Variants in CCSAP observed in about 807,000 individuals in gnomAD.
The protein encoded by CCSAP is centriole, cilia and spindle associated protein, also known as centriole, cilia and spindle-associated protein.
Under a neutral mutation model 25.9 loss-of-function variants are expected in CCSAP, and 17 were observed. That is an observed-to-expected ratio of 0.66 (90% confidence interval 0.45 to 0.99). CCSAP has a LOEUF of 0.99. Ranked by LOEUF, CCSAP falls within the 50% of genes least tolerant of loss-of-function variation. The probability of loss-of-function intolerance (pLI) is 0.00; values close to 1 mark genes in which losing one functional copy is unlikely to be tolerated. For missense variants in CCSAP, 339 were observed against 367.8 expected (o/e 0.92, Z 0.64); for synonymous variants, 169 against 157.1 (o/e 1.08, Z -0.57).
intron 2 of CCSAP, among the ~76,000 whole-genome samples, chr1:229,329,762 G>T (rs983690653): frequency 6.6e-6 from 1 of 152,170 alleles, no homozygotes; most frequent in Non-Finnish European, 1.5e-5. Flanking sequence ...AGGCCAACGA[G>T]GGTGGATCAC....
intron 2 of CCSAP, among the ~76,000 whole-genome samples, chr1:229,338,540 C>T (rs1399189858): frequency 1.7e-4 from 15 of 89,144 alleles, no homozygotes; most frequent in African/African-American, 4.6e-4. Flanking sequence ...CAAACCCCAA[C>T]ACACACACAC....
intron 2 of CCSAP, among the ~76,000 whole-genome samples, chr1:229,328,409 TC>T (rs368472859): frequency 9.8e-5 from 15 of 152,304 alleles, no homozygotes; most frequent in African/African-American, 3.1e-4. Flanking sequence ...CAAGTGATCC[TC>T]CCACCTCAGC....
Position 229,326,764 on chromosome 1 carries a change from C to T in CCSAP, c.610G>A (p.Val204Ile), listed in dbSNP as rs1558248869. 5 of 1,614,232 alleles carry T rather than the reference C, an allele frequency of 3.1e-6. No homozygotes were observed. Among genetic ancestry groups the T allele is most frequent in the Non-Finnish European group, 3.4e-6 (4 of 1,180,054 alleles). The change falls in exon 3 of 4, where the codon GTC (valine) becomes ATC (isoleucine). Residue 204 changes from valine to isoleucine, a missense_variant. Coordinates refer to ENST00000284617, the MANE Select transcript of CCSAP (RefSeq NM_145257.5). ...TCGTGCACAGGAGCGGACGCACAGA[C>T]GTTGTGAGTCTTCTGGCTTCCTGTA... ...TDTGSQKTHNVCASAPVHEIH... is the reference protein window; with the variant it reads ...TDTGSQKTHNICASAPVHEIH...
In CCSAP at chr1:229,342,397, G is replaced by A; in HGVS notation, c.69C>T (p.Tyr23=). 3 of 1,484,224 alleles carry A rather than the reference G, an allele frequency of 2.0e-6. No individual in the cohort carries two copies. The highest frequency in any genetic ancestry group is 1.3e-5 in the South Asian group (1 of 75,236). The allele number at this position is 1,484,224 out of a possible 1,614,324, so 91.9% of individuals were successfully genotyped here. The part of the protein sequence containing the change: ...KRYQEPRWEE[Y]GPCYRELLHY... ...GCAGCAGCTCGCGGTAGCACGGCCC[G>A]TACTCCTCCCAGCGCGGCTCCTGGT... is the stretch of plus-strand genomic sequence containing the variant. The change falls in exon 2 of 4, where the codon TAC becomes TAT. Residue 23 remains tyrosine (Y), a synonymous_variant. Transcript: ENST00000284617. The surrounding 1 kb of genome is among the most constrained non-coding windows in gnomAD (Gnocchi z 7.5).
rs933908939 is a variant in CCSAP, at chr1:229,322,453, A to C, written c.*2782T>G. ...CAAGTAAGATCACCTATAGCCTATT[A>C]TACATTTATTCATTTTTAAAATGAA... On this transcript the variant is annotated 3_prime_UTR_variant, in exon 4 of 4. Transcript: ENST00000284617. 3.9e-5 allele frequency: 6 copies of C among 152,238 alleles called. No homozygotes were observed. Among genetic ancestry groups the C allele is most frequent in the Non-Finnish European group, 7.3e-5 (5 of 68,034 alleles). The allele number at this position is 152,238 out of a possible 1,614,324, so 9.4% of individuals were successfully genotyped here.
chr1:229,322,502 C>T lies in CCSAP; in HGVS notation c.*2733G>A, dbSNP rs1312345181. 6.6e-6 allele frequency: 1 copy of T among 152,132 alleles called. No individual in the cohort carries two copies. The highest frequency in any genetic ancestry group is 2.4e-5 in the African/African-American group (1 of 41,428). 9.4% of individuals were successfully genotyped at this position (152,132 alleles called of 1,614,324 possible). A position where few individuals can be genotyped will look rare whatever the true frequency, so the allele number is the denominator to read the frequency against. On this transcript the variant is annotated 3_prime_UTR_variant, in exon 4 of 4. Coordinates refer to ENST00000284617, the MANE Select transcript of CCSAP (RefSeq NM_145257.5). ...AATCTTTTGAAGATCCATTTATTCA[C>T]ATTTTTCCAAGTAAATAGAATATTA...
intron 2 of CCSAP, among the ~76,000 whole-genome samples, chr1:229,335,467 G>A (rs1238726427): frequency 2.6e-5 from 4 of 152,208 alleles, no homozygotes; most frequent in Non-Finnish European, 5.9e-5. Context: ...GTGCTCTGTT[G>A]AGAGTTGGGA....
At chr1:229,340,434 C>A (rs1306089959) in intron 2 of CCSAP, 1 of 716,456 alleles carries the variant, frequency 1.4e-6, no homozygotes, top group African/African-American at 1.7e-5. Context: ...ATCCATATCA[C>A]AACGCTGCCT....
chr1:229,333,168 C>A (rs184845776), intron 2 of CCSAP, among the ~76,000 whole-genome samples: 2 of 152,178 alleles, frequency 1.3e-5, no homozygotes, highest in Non-Finnish European at 2.9e-5. Context: ...CGCGGTGGCT[C>A]ACGCCTATAA....
At chr1:229,336,258 T>C (rs1658192660) in intron 2 of CCSAP, among the ~76,000 whole-genome samples, 1 of 151,626 alleles carries the variant, frequency 6.6e-6, no homozygotes, top group Admixed American at 6.6e-5. Context: ...CCCTAGCTCA[T>C]ATGCCAGGTG....
chr1:229,325,098 T>C lies in CCSAP; in HGVS notation c.*137A>G, dbSNP rs570983272. On this transcript the variant is annotated 3_prime_UTR_variant, in exon 4 of 4. Transcript: ENST00000284617. ...TATTCATCAAAATAAAACAATCTTT[T>C]ACAAATTCCCTAAAAAAAACCTTGC... The C allele has an allele frequency of 4.8e-6, 4 of 829,020 alleles. No homozygotes were observed. Among genetic ancestry groups the C allele is most frequent in the East Asian group, 2.6e-5 (1 of 38,184 alleles). 51.4% of individuals were successfully genotyped at this position (829,020 alleles called of 1,614,324 possible).
At position 229,335,229 on chromosome 1, in the gene CCSAP, G is replaced by A. The variant is rs1415971445; in HGVS notation, c.367+6870C>T. ...AGCTACTCACGAGGCTGAGGCTGGA[G>A]GATTGCTTGAACCCAGGAGGTCAAT... On this transcript the variant is annotated intron_variant, in intron 2 of 3. Coordinates refer to ENST00000284617, the MANE Select transcript of CCSAP (RefSeq NM_145257.5). Among the ~76,000 whole-genome samples, 2 of 152,146 alleles carry A rather than the reference G, an allele frequency of 1.3e-5. 1 individual carries two copies. Among genetic ancestry groups the A allele is most frequent in the East Asian group, 3.8e-4 (2 of 5,202 alleles).
intron 2 of CCSAP, among the ~76,000 whole-genome samples, chr1:229,338,574 CAG>C (rs1658257292): frequency 6.7e-6 from 1 of 149,538 alleles, no homozygotes; most frequent in Admixed American, 6.7e-5. Flanking sequence ...CACACACACA[CAG>C]AATTTCCTAA....
intron 2 of CCSAP, among the ~76,000 whole-genome samples, chr1:229,328,733 G>A (rs1166127611): frequency 6.6e-6 from 1 of 152,200 alleles, no homozygotes; most frequent in Non-Finnish European, 1.5e-5. Flanking sequence ...AAAGTTGAGG[G>A]AACCGCTGCA....
chr1:229,331,481 CAT>C (rs1408022957), intron 2 of CCSAP, among the ~76,000 whole-genome samples: 1 of 152,036 alleles, frequency 6.6e-6, no homozygotes, highest in Non-Finnish European at 1.5e-5. Flanking sequence ...GTATTATATA[CAT>C]GTGTGTGTCT....
At chr1:229,329,344 G>C (rs894094745) in intron 2 of CCSAP, among the ~76,000 whole-genome samples, 1 of 152,134 alleles carries the variant, frequency 6.6e-6, no homozygotes, top group Non-Finnish European at 1.5e-5. Context: ...CCAGAAAGAG[G>C]GAATGGCTTC....
chr1:229,325,293 G>A lies in CCSAP; in HGVS notation c.755C>T (p.Ser252Phe). Residue 252 changes from serine (S) to phenylalanine (F), a missense_variant, in exon 4 of 4, where the codon TCC becomes TTC. Coordinates refer to ENST00000284617, the MANE Select transcript of CCSAP (RefSeq NM_145257.5). The part of the protein sequence containing the change: ...DVEKNRKMKA[S>F]SSENPWMTEY... ...TGTCATCCACGGGTTCTCTGAGGAG[G>A]AAGCCTTCATCTTTCTGTTCTTCTC... is the stretch of plus-strand genomic sequence containing the variant. The A allele has an allele frequency of 6.2e-7, 1 of 1,614,170 alleles. No individual in the cohort carries two copies. The highest frequency in any genetic ancestry group is 8.5e-7 in the Non-Finnish European group (1 of 1,180,034).
chr1:229,341,468 G>A (rs922177424), intron 2 of CCSAP, among the ~76,000 whole-genome samples: 1 of 152,186 alleles, frequency 6.6e-6, no homozygotes. Context: ...GAAAACACGC[G>A]CAGCGCCACC....
intron 2 of CCSAP, among the ~76,000 whole-genome samples, chr1:229,338,926 T>A (rs1402826723): frequency 6.6e-6 from 1 of 150,808 alleles, no homozygotes; most frequent in African/African-American, 2.4e-5. Flanking sequence ...AAAAATAGGA[T>A]CCCTCAAATG....
Sources: gnomAD v4.1 joint callset for allele counts (sites outside exome capture counted in the v4.1 genomes callset) on GRCh38, gnomAD v4.1.1 for gene constraint, Gnocchi (gnomAD v3.1) non-coding constraint, MANE v1.5 for transcripts, NCBI Gene and HGNC (gene_info 2026-07-23, HGNC 2026-07-21) for gene names.